SP1: variants seen among roughly 807,000 people sequenced by gnomAD.
SP1 encodes transcription factor Sp1.
In SP1, 6 loss-of-function variants were observed where a neutral mutation model predicts 66.3. The ratio of observed to expected loss-of-function variants is 0.09; its 90% CI spans 0.05 to 0.18. The LOEUF (loss-of-function observed/expected upper bound fraction) is 0.18, where lower values mean the gene tolerates loss of function less well. Ranked by LOEUF, SP1 falls within the 10% of genes least tolerant of loss-of-function variation. The pLI, the probability that SP1 is intolerant of heterozygous loss-of-function variation, is 1.00. For missense variants in SP1, 848 were observed against 964.5 expected (o/e 0.88, Z 1.60); for synonymous variants, 417 against 360.8 (o/e 1.16, Z -1.77).
intron 3 of SP1, among the ~76,000 whole-genome samples, chr12:53,395,982 T>C (rs1344226873): frequency 6.6e-6 from 1 of 152,048 alleles, no homozygotes; most frequent in Non-Finnish European, 1.5e-5. Flanking sequence ...TAGCTGGGTG[T>C]GCTGGCGCAC....
Position 53,380,279 on chromosome 12 carries a change from C to A in SP1, c.-13C>A. 1.3e-6 allele frequency: 2 copies of A among 1,598,666 alleles called. No homozygotes were observed. The highest frequency in any genetic ancestry group is 1.7e-6 in the Non-Finnish European group (2 of 1,169,208). ...GGACAGGACCCCCTTGAGCTTGTCC[C>A]TCAGCTGCCACCATGAGCGGTAAGG... On this transcript the variant is annotated 5_prime_UTR_variant, in exon 1 of 6. Transcript: ENST00000327443.
Position 53,382,795 on chromosome 12 carries a change from C to A in SP1, c.848C>A (p.Ala283Glu), listed in dbSNP as rs749203906. The A allele has an allele frequency of 6.2e-7, 1 of 1,614,154 alleles. No homozygotes were observed. Among genetic ancestry groups the A allele is most frequent in the South Asian group, 1.1e-5 (1 of 91,086 alleles). ...GCTACCTTGACTCCCAGCTCTCAGG[C>A]AGTCACGATCAGCAGCTCTGGGTCC... ...SAATLTPSSQ[A>E]VTISSSGSQE... The change falls in exon 3 of 6, where the codon GCA becomes GAA. Residue 283 changes from alanine to glutamate, a missense_variant. This residue lies in a region of SP1 where 606 missense variants were observed against 589.9 expected (regional missense o/e 1.03). Transcript: ENST00000327443.
Position 53,383,601 on chromosome 12 carries a change from T to G in SP1, c.1654T>G (p.Leu552Val), listed in dbSNP as rs757667826. The change falls in exon 3 of 6, where the codon TTG becomes GTG. Residue 552 changes from leucine (L) to valine (V), a missense_variant. Leu to Val is a conservative substitution (Grantham distance 32). Around this residue, in one of 7 missense-constraint regions of SP1, gnomAD observed 606 missense variants for 589.9 expected, o/e 1.03. Coordinates refer to ENST00000327443, the MANE Select transcript of SP1 (RefSeq NM_138473.3). Reference sequence around the variant, plus strand: ...GGTGCACCCAATTCAAGGCCTGCCGTTGGCTATAGCAAATGCCCCAGGTAA... The same window carrying G: ...GGTGCACCCAATTCAAGGCCTGCCGGTGGCTATAGCAAATGCCCCAGGTAA... ...IQVHPIQGLP[L>V]AIANAPGDHG... 3 of 1,609,482 alleles carry G rather than the reference T, an allele frequency of 1.9e-6. No homozygotes were observed. The African/African-American group carries it at 4.0e-5, about 21-fold the overall frequency.
chr12:53,407,542 T>C (rs1390944388), intron 4 of SP1, among the ~76,000 whole-genome samples: 5 of 151,882 alleles, frequency 3.3e-5, no homozygotes, highest in Non-Finnish European at 7.4e-5. Flanking sequence ...GCCAGGATGG[T>C]CTTCATCTCC....
At chr12:53,394,549 T>C (rs1350322574) in intron 3 of SP1, among the ~76,000 whole-genome samples, 10 of 149,176 alleles carry the variant, frequency 6.7e-5, no homozygotes. Context: ...TTTACGGATA[T>C]CGGCCACTGT....
At chr12:53,386,609 A>G (rs112003046) in intron 3 of SP1, among the ~76,000 whole-genome samples, 4,106 of 150,140 alleles carry the variant, frequency 0.027, 175 homozygotes, top group African/African-American at 0.096. Context: ...CTCCTGCCTC[A>G]GCCTCCCAGG....
intron 3 of SP1, among the ~76,000 whole-genome samples, chr12:53,398,764 A>T (rs1299214865): frequency 1.3e-5 from 2 of 152,202 alleles, no homozygotes; most frequent in African/African-American, 4.8e-5. Context: ...GTAGAACTTA[A>T]ATTTGCAAAC....
At chr12:53,394,905 C>T (rs1275541034) in intron 3 of SP1, among the ~76,000 whole-genome samples, 3 of 151,886 alleles carry the variant, frequency 2.0e-5, no homozygotes, top group East Asian at 1.9e-4. Context: ...TGAGCCACCG[C>T]GCCAGGCTGG....
At position 53,382,484 on chromosome 12, in the gene SP1, C is replaced by G; in HGVS notation, c.537C>G (p.Phe179Leu). ...PNIQYQVIPQ[F>L]QTVDGQQLQF... ...TTCAGTATCAAGTAATCCCACAGTTCCAGACCGTTGATGGGCAACAGCTGC... is the reference window on the plus strand; with the variant it reads ...TTCAGTATCAAGTAATCCCACAGTTGCAGACCGTTGATGGGCAACAGCTGC... Residue 179 changes from phenylalanine (F) to leucine (L), a missense_variant, in exon 3 of 6, where the codon TTC becomes TTG. Around this residue, in one of 7 missense-constraint regions of SP1, gnomAD observed 606 missense variants for 589.9 expected, o/e 1.03. Transcript: ENST00000327443. 6.2e-7 allele frequency: 1 copy of G among 1,614,156 alleles called. No individual in the cohort carries two copies. The highest frequency in any genetic ancestry group is 8.5e-7 in the Non-Finnish European group (1 of 1,180,036).
chr12:53,405,999 TA>T (rs35657115), intron 3 of SP1, among the ~76,000 whole-genome samples: 5 of 142,280 alleles, frequency 3.5e-5, no homozygotes, highest in Non-Finnish European at 6.0e-5. Context: ...AGTATAATAA[TA>T]AAAAAAAACA....
At chr12:53,394,040 C>T (rs1374979260) in intron 3 of SP1, among the ~76,000 whole-genome samples, 8 of 151,756 alleles carry the variant, frequency 5.3e-5, no homozygotes, top group Non-Finnish European at 1.2e-4. Context: ...CATGGAGAAA[C>T]CCCCGTCTGT....
At chr12:53,397,619 C>T (rs930148677) in intron 3 of SP1, among the ~76,000 whole-genome samples, 2 of 146,004 alleles carry the variant, frequency 1.4e-5, no homozygotes, top group South Asian at 2.2e-4. Context: ...TGGAGTCCTG[C>T]TCTTCGCCCA....
chr12:53,380,185 T>G lies in SP1; in HGVS notation c.-107T>G. 1 of 648,720 alleles carries G rather than the reference T, an allele frequency of 1.5e-6. No homozygotes were observed. The highest frequency in any genetic ancestry group is 2.8e-6 in the Non-Finnish European group (1 of 357,934). The allele number at this position is 648,720 out of a possible 1,614,324, so 40.2% of individuals were successfully genotyped here. The stretch of plus-strand genomic sequence containing the variant: ...CTGCTCCCTCCTCCTTACCCCCCCC[T>G]CCCTGTCCGGTCCGGGTTCGCTTGC... On this transcript the variant is annotated 5_prime_UTR_variant, in exon 1 of 6. Transcript: ENST00000327443.
chr12:53,381,565 G>C, intron 1 of SP1, 94 bp from the exon 2 acceptor site: 2 of 1,180,292 alleles, frequency 1.7e-6, no homozygotes, highest in Non-Finnish European at 2.4e-6. Context: ...CTTCCTGTTA[G>C]TCATTGCTAT....
intron 3 of SP1, among the ~76,000 whole-genome samples, chr12:53,400,851 T>A (rs1439845499): frequency 6.9e-6 from 1 of 145,764 alleles, no homozygotes; most frequent in East Asian, 2.1e-4. Flanking sequence ...AAGCTCCGCC[T>A]CCCAGGTTCA....
intron 3 of SP1, among the ~76,000 whole-genome samples, chr12:53,389,538 G>C (rs1938304857): frequency 6.6e-6 from 1 of 151,652 alleles, no homozygotes; most frequent in Non-Finnish European, 1.5e-5. Context: ...GTAGAGACTG[G>C]GTTTCACCAT....
intron 3 of SP1, among the ~76,000 whole-genome samples, chr12:53,405,467 G>A (rs1189612322): frequency 2.6e-5 from 4 of 152,018 alleles, no homozygotes; most frequent in African/African-American, 9.7e-5. Context: ...TCAGGAGTTC[G>A]AGACAGCCTG....
chr12:53,386,936 G>GTT (rs145360387), intron 3 of SP1, among the ~76,000 whole-genome samples: 164 of 127,986 alleles, frequency 1.3e-3, no homozygotes, highest in African/African-American at 5.7e-3. Context: ...CAACTTCTAG[G>GTT]TTTGTTTTTT....
chr12:53,380,985 C>G (rs784880), intron 1 of SP1, among the ~76,000 whole-genome samples: 13,906 of 100,722 alleles, frequency 0.14, 2,928 homozygotes, highest in African/African-American at 0.47. Flanking sequence ...AGTTTTCGCT[C>G]TTGTTACCCA....
Sources: gnomAD v4.1 joint callset for allele counts (sites outside exome capture counted in the v4.1 genomes callset) on GRCh38, gnomAD v4.1.1 for gene constraint, gnomAD v4.1.1 regional missense constraint, MANE v1.5 for transcripts, NCBI Gene and HGNC (gene_info 2026-07-23, HGNC 2026-07-21) for gene names.